Variants in MTR observed in about 807,000 individuals in gnomAD.
MTR encodes the protein methionine synthase.
A neutral mutation model predicts 154.8 loss-of-function variants in MTR; 84 were observed. The ratio of observed to expected loss-of-function variants is 0.54; its 90% CI spans 0.45 to 0.65. MTR has a LOEUF of 0.65. Among genes scored for constraint, MTR ranks in the 30% least tolerant of loss-of-function variants. MTR has a pLI of 0.00. For missense variants in MTR, 1,275 were observed against 1,570.2 expected, an observed-to-expected ratio of 0.81 and a Z score of 3.18; for synonymous variants, 554 against 553.9, an observed-to-expected ratio of 1.00 and a Z score of 0.00.
At chr1:236,874,553 C>G (rs2712831) in intron 23 of MTR, among the ~76,000 whole-genome samples, 173 bp from the exon 24 acceptor site, 4 of 150,884 alleles carry the variant, frequency 2.7e-5, no homozygotes, top group Non-Finnish European at 4.4e-5. Flanking sequence ...CCTGGGCAAC[C>G]GAATGAGACT....
At chr1:236,851,785 A>T (rs1395526854) in intron 16 of MTR, among the ~76,000 whole-genome samples, 1 of 152,230 alleles carries the variant, frequency 6.6e-6, no homozygotes. Context: ...CTTACTCCAT[A>T]CTAAAGATTT....
At chr1:236,861,718 C>T (rs938475236) in intron 20 of MTR, among the ~76,000 whole-genome samples, 1 of 152,188 alleles carries the variant, frequency 6.6e-6, no homozygotes, top group Non-Finnish European at 1.5e-5. Flanking sequence ...AAAACCAGAA[C>T]TCTTACTTTG....
At position 236,903,598 on chromosome 1, in the gene MTR, G is replaced by A. The variant is rs1427114581; in HGVS notation, c.*5954G>A. ...AATGGTTTTTGAGAACCTTGAGAGT[G>A]TATATTCTATGAAATGGAAGAAACA... On this transcript the variant is annotated 3_prime_UTR_variant, in exon 33 of 33. Coordinates refer to ENST00000366577, the MANE Select transcript of MTR (RefSeq NM_000254.3). The A allele has an allele frequency of 6.6e-6, 1 of 152,186 alleles. No individual in the cohort carries two copies. Among genetic ancestry groups the A allele is most frequent in the East Asian group, 1.9e-4 (1 of 5,190 alleles). The allele number at this position is 152,186 out of a possible 1,614,324, so 9.4% of individuals were successfully genotyped here.
At chr1:236,825,192 C>A in intron 9 of MTR, 146 bp from the exon 10 acceptor site, 16 of 235,902 alleles carry the variant, frequency 6.8e-5, no homozygotes, top group East Asian at 2.2e-4. Context: ...TCTTTGTTTA[C>A]TGTGTGAATA....
chr1:236,823,626 A>T (rs138584766), intron 8 of MTR, among the ~76,000 whole-genome samples: 23 of 152,122 alleles, frequency 1.5e-4, no homozygotes, highest in Non-Finnish European at 2.8e-4. Flanking sequence ...CCTCAGGCCC[A>T]CCACCCACTG....
chr1:236,812,672 A>G, intron 5 of MTR, 66 bp from the exon 6 acceptor site: 1 of 1,270,946 alleles, frequency 7.9e-7, no homozygotes, highest in Non-Finnish European at 1.2e-6. Flanking sequence ...CCTACACTCG[A>G]GATACCCTAG....
At chr1:236,830,086 T>C (rs1183027239) in intron 12 of MTR, among the ~76,000 whole-genome samples, 1 of 152,198 alleles carries the variant, frequency 6.6e-6, no homozygotes, top group African/African-American at 2.4e-5. Flanking sequence ...GCAAAAGTAG[T>C]GTCCACTTTT....
At chr1:236,861,754 A>G (rs1047822466) in intron 20 of MTR, among the ~76,000 whole-genome samples, 2 of 152,230 alleles carry the variant, frequency 1.3e-5, no homozygotes, top group African/African-American at 2.4e-5. Flanking sequence ...TAACCACATC[A>G]GTTAACACAT....
At chr1:236,880,590 T>C (rs1045173715) in intron 24 of MTR, among the ~76,000 whole-genome samples, 165 bp from the exon 25 acceptor site, 2 of 152,230 alleles carry the variant, frequency 1.3e-5, no homozygotes, top group African/African-American at 2.4e-5. Flanking sequence ...AAGTCATTCA[T>C]GTTTTACGAG....
In MTR at chr1:236,898,217, G is replaced by C. The variant is rs541256192; in HGVS notation, c.*573G>C. 6.5e-6 allele frequency: 1 copy of C among 153,990 alleles called. No homozygotes were observed. The highest frequency in any genetic ancestry group is 2.4e-5 in the African/African-American group (1 of 41,376). The allele number at this position is 153,990 out of a possible 1,614,324, so 9.5% of individuals were successfully genotyped here. On this transcript the variant is annotated 3_prime_UTR_variant, in exon 33 of 33. Coordinates refer to ENST00000366577, the MANE Select transcript of MTR (RefSeq NM_000254.3). Reference sequence around the variant, plus strand: ...GAACTCCCTTTGGCAAAAGGCATGCGCTCACTGCTTGCTTGTCAGAAACAC... The same window carrying C: ...GAACTCCCTTTGGCAAAAGGCATGCCCTCACTGCTTGCTTGTCAGAAACAC...
Position 236,900,321 on chromosome 1 carries a change from T to A in MTR, c.*2677T>A. 5.4e-6 allele frequency: 1 copy of A among 184,560 alleles called. No individual in the cohort carries two copies. Among genetic ancestry groups the A allele is most frequent in the South Asian group, 1.1e-4 (1 of 9,404 alleles). The allele number at this position is 184,560 out of a possible 1,614,324, so 11.4% of individuals were successfully genotyped here. On this transcript the variant is annotated 3_prime_UTR_variant, in exon 33 of 33. Coordinates refer to ENST00000366577, the MANE Select transcript of MTR (RefSeq NM_000254.3). Reference sequence around the variant, plus strand: ...AAAAAGCAAGTTTGAAGAGACCACATGGGGCGTACTATTTTTATTGAGCCC... The same window carrying A: ...AAAAAGCAAGTTTGAAGAGACCACAAGGGGCGTACTATTTTTATTGAGCCC...
intron 28 of MTR, 133 bp downstream of exon 28, chr1:236,889,469 C>A: frequency 8.4e-7 from 1 of 1,192,638 alleles, no homozygotes; most frequent in Non-Finnish European, 1.2e-6. Flanking sequence ...TGCTCACCTG[C>A]CCAACTTTTT....
At chr1:236,865,194 T>C (rs1177672272) in intron 22 of MTR, among the ~76,000 whole-genome samples, 1 of 152,252 alleles carries the variant, frequency 6.6e-6, no homozygotes, top group Non-Finnish European at 1.5e-5. Context: ...CCAGTTGCTA[T>C]GTGTTGGGCA....
intron 29 of MTR, among the ~76,000 whole-genome samples, chr1:236,892,875 C>T (rs1018740583): frequency 6.6e-6 from 1 of 152,186 alleles, no homozygotes; most frequent in Admixed American, 6.5e-5. Flanking sequence ...CATGTCCGGG[C>T]AGTCTGTGAC....
chr1:236,838,664 C>G, intron 15 of MTR, 65 bp downstream of exon 15: 2 of 1,574,372 alleles, frequency 1.3e-6, no homozygotes, highest in South Asian at 1.1e-5. Flanking sequence ...GGAGAAAATG[C>G]AAGTCTGAAA....
intron 2 of MTR, among the ~76,000 whole-genome samples, 200 bp from the exon 3 acceptor site, chr1:236,805,944 C>T (rs1352003825): frequency 3.3e-5 from 5 of 152,130 alleles, no homozygotes; most frequent in African/African-American, 7.2e-5. Context: ...ATTCAAGTTT[C>T]GTGTTTATTT....
intron 22 of MTR, among the ~76,000 whole-genome samples, chr1:236,870,178 TG>T (rs1665047814): frequency 6.6e-6 from 1 of 152,192 alleles, no homozygotes; most frequent in Admixed American, 6.5e-5. Flanking sequence ...GTGGAAATAG[TG>T]AGAATTGCCC....
intron 28 of MTR, among the ~76,000 whole-genome samples, chr1:236,890,310 G>T (rs1411621942): frequency 6.6e-6 from 1 of 152,138 alleles, no homozygotes; most frequent in Non-Finnish European, 1.5e-5. Flanking sequence ...CATGGGCAGG[G>T]TGGCCGAGTC....
intron 22 of MTR, among the ~76,000 whole-genome samples, chr1:236,869,811 G>A (rs1345018924): frequency 6.6e-6 from 1 of 152,136 alleles, no homozygotes; most frequent in African/African-American, 2.4e-5. Context: ...GGGATTCCTA[G>A]CTAGTTCAGG....
Sources: gnomAD v4.1 joint callset for allele counts (sites outside exome capture counted in the v4.1 genomes callset) on GRCh38, gnomAD v4.1.1 for gene constraint, MANE v1.5 for transcripts, NCBI Gene and HGNC (gene_info 2026-07-23, HGNC 2026-07-21) for gene names.